The following PTDSS1 variants were observed in gnomAD, a reference collection of about 807,000 sequenced individuals.
PTDSS1 encodes PSS-1.
Under a neutral mutation model 70.5 loss-of-function variants are expected in PTDSS1, and 45 were observed. That is an observed-to-expected ratio of 0.64 (90% CI 0.50 to 0.82). PTDSS1 has a LOEUF of 0.82. Among genes scored for constraint, PTDSS1 ranks in the 40% least tolerant of loss-of-function variants. The pLI is 0.00. For synonymous variants in PTDSS1, 188 were observed against 203.8 expected (o/e 0.92, Z 0.66); for missense variants, 417 against 586.1 (o/e 0.71, Z 2.98).
intron 1 of PTDSS1, among the ~76,000 whole-genome samples, chr8:96,266,607 A>G (rs752236564): frequency 3.3e-5 from 5 of 152,168 alleles, no homozygotes; most frequent in Non-Finnish European, 7.3e-5. Context: ...TTTCCTTTAT[A>G]TACATCATGT....
At chr8:96,296,078 C>G (rs968867169) in intron 5 of PTDSS1, among the ~76,000 whole-genome samples, 7 of 151,568 alleles carry the variant, frequency 4.6e-5, no homozygotes, top group Non-Finnish European at 8.8e-5. Context: ...GATGCATGAC[C>G]CCTTCCTGGT....
At chr8:96,333,315 T>A (rs1320387308) in intron 12 of PTDSS1, 142 bp from the exon 13 acceptor site, 1 of 736,452 alleles carries the variant, frequency 1.4e-6, no homozygotes, top group Non-Finnish European at 2.3e-6. Flanking sequence ...GAGCCTCGCC[T>A]TCATTTATGA....
chr8:96,332,358 CAGAG>C (rs1197756422), intron 12 of PTDSS1, among the ~76,000 whole-genome samples: 1 of 152,142 alleles, frequency 6.6e-6, no homozygotes, highest in African/African-American at 2.4e-5. Context: ...CAAAATTGCT[CAGAG>C]AAACGGTGGG....
intron 10 of PTDSS1, among the ~76,000 whole-genome samples, chr8:96,321,635 T>C (rs1345857850): frequency 1.3e-5 from 2 of 152,236 alleles, no homozygotes; most frequent in African/African-American, 4.8e-5. Flanking sequence ...AAGTCGGTAA[T>C]TGGATCTAGA....
Position 96,262,000 on chromosome 8 carries a change from G to T in PTDSS1, c.-41G>T, listed in dbSNP as rs1167671186. 1.2e-5 allele frequency: 19 copies of T among 1,587,618 alleles called. No individual in the cohort carries two copies. Among genetic ancestry groups the T allele is most frequent in the Non-Finnish European group, 1.6e-5 (19 of 1,166,160 alleles). On this transcript the variant is annotated 5_prime_UTR_variant, in exon 1 of 13. Coordinates refer to ENST00000517309, the MANE Select transcript of PTDSS1 (RefSeq NM_014754.3). Reference sequence around the variant, plus strand: ...ACCCCCGGGGTCCCGGCCTTCTCGGGCTGGGGCCGCCGCCACCGCGGCAGG... The same window carrying T: ...ACCCCCGGGGTCCCGGCCTTCTCGGTCTGGGGCCGCCGCCACCGCGGCAGG...
chr8:96,283,631 A>ACC (rs2130046149), intron 2 of PTDSS1: 2 of 153,770 alleles, frequency 1.3e-5, no homozygotes, highest in East Asian at 1.9e-4. Context: ...ACACACACAC[A>ACC]CACCCACACA....
chr8:96,315,906 C>T (rs1160362669), intron 9 of PTDSS1, among the ~76,000 whole-genome samples: 2 of 152,180 alleles, frequency 1.3e-5, no homozygotes, highest in Admixed American at 1.3e-4. Context: ...GAAACCCCAG[C>T]ACCCCTGGGG....
Position 96,273,320 on chromosome 8 carries a change from C to G in PTDSS1, c.201C>G (p.Asp67Glu). The G allele has an allele frequency of 6.2e-7, 1 of 1,609,782 alleles. No homozygotes were observed. The highest frequency in any genetic ancestry group is 8.5e-7 in the Non-Finnish European group (1 of 1,178,376). Residue 67 changes from aspartate (D) to glutamate (E), a missense_variant, in exon 2 of 13, where the codon GAC (aspartate) becomes GAG (glutamate). Physicochemically the swap from Asp to Glu is conservative, Grantham distance 45. Transcript: ENST00000517309. ...AFTRDDSVPE[D>E]NIWRGILSVI... ...TCAGGGATGACTCTGTTCCAGAAGA[C>G]AACATCTGGAGAGGCATCCTCTCTG...
intron 5 of PTDSS1, among the ~76,000 whole-genome samples, chr8:96,298,938 G>A (rs1208784105): frequency 1.3e-5 from 2 of 151,876 alleles, no homozygotes; most frequent in African/African-American, 4.8e-5. Context: ...TACTTGGGAG[G>A]CTGAGGCAGG....
At chr8:96,265,584 CAAACAAAACA>C (rs111419887) in intron 1 of PTDSS1, among the ~76,000 whole-genome samples, 2,200 of 151,822 alleles carry the variant, frequency 0.014, 82 homozygotes, top group Admixed American at 0.075. Flanking sequence ...TCTCTACAAA[CAAACAAAACA>C]AAACAAAACA....
intron 9 of PTDSS1, among the ~76,000 whole-genome samples, chr8:96,311,235 G>A (rs1347391437): frequency 6.6e-6 from 1 of 152,130 alleles, no homozygotes; most frequent in Non-Finnish European, 1.5e-5. Flanking sequence ...TGAAATTCCA[G>A]AGACATCCAG....
chr8:96,318,509 A>G (rs1166936387), intron 9 of PTDSS1, among the ~76,000 whole-genome samples: 1 of 152,152 alleles, frequency 6.6e-6, no homozygotes, highest in Non-Finnish European at 1.5e-5. Flanking sequence ...ATGTCTCCTC[A>G]CTGCACAGGC....
rs912745807 is a variant in PTDSS1, at chr8:96,262,495, C to T, written c.179+276C>T. ...GCGAGTCACCTAGCACGATCGCCCC[C>T]TCACCCACCGCACTCAGCATCGCTC... is the stretch of plus-strand genomic sequence containing the variant. On this transcript the variant is annotated intron_variant, in intron 1 of 12. Coordinates refer to ENST00000517309, the MANE Select transcript of PTDSS1 (RefSeq NM_014754.3). This position sits in a 1 kb window ranked among gnomAD's most constrained non-coding sequence, Gnocchi z 4.4. Among the ~76,000 whole-genome samples the T allele has an allele frequency of 6.6e-6, 1 of 152,190 alleles. No individual in the cohort carries two copies. Among genetic ancestry groups the T allele is most frequent in the Non-Finnish European group, 1.5e-5 (1 of 68,030 alleles).
intron 1 of PTDSS1, among the ~76,000 whole-genome samples, chr8:96,272,175 T>C (rs1292322662): frequency 1.3e-5 from 2 of 152,176 alleles, no homozygotes; most frequent in East Asian, 3.8e-4. Flanking sequence ...AGTTTACCTC[T>C]TTTCCTTCGA....
intron 9 of PTDSS1, among the ~76,000 whole-genome samples, chr8:96,318,715 A>G (rs530653886): frequency 1.3e-5 from 2 of 152,288 alleles, no homozygotes; most frequent in Non-Finnish European, 2.9e-5. Flanking sequence ...GGGAAAAGAC[A>G]GCCCCAGACT....
At position 96,334,606 on chromosome 8, in the gene PTDSS1, T is replaced by C. The variant is rs553484352; in HGVS notation, c.*1040T>C. The C allele has an allele frequency of 3.9e-5, 6 of 152,780 alleles. No individual in the cohort carries two copies. The highest frequency in any genetic ancestry group is 8.8e-5 in the Non-Finnish European group (6 of 68,038). The allele number at this position is 152,780 out of a possible 1,614,324, so 9.5% of individuals were successfully genotyped here. On this transcript the variant is annotated 3_prime_UTR_variant, in exon 13 of 13. Transcript: ENST00000517309. Reference sequence around the variant, plus strand: ...GCATCTTACTGGTATCTTCTATTGATTGTAAGCAGTCTGTGTTTTTCAAGT... The same window carrying C: ...GCATCTTACTGGTATCTTCTATTGACTGTAAGCAGTCTGTGTTTTTCAAGT...
intron 4 of PTDSS1, among the ~76,000 whole-genome samples, chr8:96,288,937 ATT>A (rs376447432): frequency 5.5e-5 from 8 of 145,202 alleles, no homozygotes; most frequent in Non-Finnish European, 9.1e-5. Flanking sequence ...CCCATGATCA[ATT>A]TTTTTTTCTT....
chr8:96,319,689 C>T (rs1397446044), intron 9 of PTDSS1, among the ~76,000 whole-genome samples: 1 of 152,092 alleles, frequency 6.6e-6, no homozygotes, highest in East Asian at 1.9e-4. Context: ...GTGGCAGCCA[C>T]CTAGCCTCTT....
intron 10 of PTDSS1, among the ~76,000 whole-genome samples, chr8:96,325,747 G>A (rs777754275): frequency 4.4e-4 from 67 of 152,098 alleles, no homozygotes; most frequent in Admixed American, 2.0e-3. Context: ...CTCTGGCTGG[G>A]GGCTTGAGAG....
Sources: gnomAD v4.1 joint callset for allele counts (sites outside exome capture counted in the v4.1 genomes callset) on GRCh38, gnomAD v4.1.1 for gene constraint, Gnocchi (gnomAD v3.1) non-coding constraint, MANE v1.5 for transcripts, NCBI Gene and HGNC (gene_info 2026-07-23, HGNC 2026-07-21) for gene names.